The following EPHA4 variants were observed in gnomAD, a reference collection of about 807,000 sequenced individuals.
EPHA4 encodes EPH receptor A4.
EPHA4 carries 19 observed loss-of-function variants against 108.3 expected under a neutral mutation model. The ratio of observed to expected loss-of-function variants is 0.18; its 90% confidence interval spans 0.12 to 0.26. The LOEUF is 0.26. Ranked by LOEUF, EPHA4 falls within the 10% of genes least tolerant of loss-of-function variation. The probability of loss-of-function intolerance (pLI) is 1.00; values close to 1 mark genes in which losing one functional copy is unlikely to be tolerated. For synonymous variants in EPHA4, 449 were observed against 455.5 expected (o/e 0.99, Z 0.18); for missense variants, 917 against 1,254.0 (o/e 0.73, Z 4.06).
At chr2:221,496,740 T>A (rs1692307869) in intron 4 of EPHA4, among the ~76,000 whole-genome samples, 1 of 152,116 alleles carries the variant, frequency 6.6e-6, no homozygotes, top group Non-Finnish European at 1.5e-5. Context: ...AAACCCTATC[T>A]CTACTAAAAA....
At chr2:221,467,539 C>T (rs1215264332) in intron 5 of EPHA4, among the ~76,000 whole-genome samples, 2 of 152,138 alleles carry the variant, frequency 1.3e-5, no homozygotes, top group Non-Finnish European at 2.9e-5. Context: ...TACAGCAATC[C>T]TTACTCTTTG....
At chr2:221,510,252 T>A (rs1032577212) in intron 3 of EPHA4, among the ~76,000 whole-genome samples, 2 of 152,234 alleles carry the variant, frequency 1.3e-5, no homozygotes, top group African/African-American at 2.4e-5. Flanking sequence ...AAGATTGAAG[T>A]CTAACTCATA....
At chr2:221,508,817 A>C (rs1692715579) in intron 3 of EPHA4, among the ~76,000 whole-genome samples, 1 of 152,152 alleles carries the variant, frequency 6.6e-6, no homozygotes, top group Non-Finnish European at 1.5e-5. Context: ...ATGAAATTCA[A>C]AGGAAACTTA....
chr2:221,553,000 A>G (rs1694204375), intron 3 of EPHA4, among the ~76,000 whole-genome samples: 1 of 152,222 alleles, frequency 6.6e-6, no homozygotes, highest in African/African-American at 2.4e-5. Flanking sequence ...CTGATTGTTC[A>G]TTTAATTGCA....
chr2:221,435,927 A>G (rs2106098364), intron 13 of EPHA4, among the ~76,000 whole-genome samples: 1 of 129,660 alleles, frequency 7.7e-6, no homozygotes, highest in East Asian at 2.7e-4. Flanking sequence ...TACAAAACCT[A>G]AAACAACAAC....
At chr2:221,484,833 T>G (rs879568458) in intron 4 of EPHA4, among the ~76,000 whole-genome samples, 1 of 152,234 alleles carries the variant, frequency 6.6e-6, no homozygotes, top group Non-Finnish European at 1.5e-5. Flanking sequence ...TTTGGAGTTA[T>G]TTTTATTCCA....
chr2:221,560,791 G>A (rs1299563420), intron 3 of EPHA4, among the ~76,000 whole-genome samples: 1 of 152,182 alleles, frequency 6.6e-6, no homozygotes, highest in Non-Finnish European at 1.5e-5. Flanking sequence ...CATGCTCAAG[G>A]TCATCTAGCT....
chr2:221,531,328 C>G (rs1429145963), intron 3 of EPHA4, among the ~76,000 whole-genome samples: 1 of 152,066 alleles, frequency 6.6e-6, no homozygotes, highest in Non-Finnish European at 1.5e-5. Context: ...TTCTTCAAAG[C>G]ATTAGGACTT....
At chr2:221,534,615 T>C (rs1408215148) in intron 3 of EPHA4, among the ~76,000 whole-genome samples, 1 of 152,242 alleles carries the variant, frequency 6.6e-6, no homozygotes, top group Non-Finnish European at 1.5e-5. Flanking sequence ...TGACTATCCC[T>C]GGAACCCATG....
rs144215062 is a variant in EPHA4 at position 221,456,967 on chromosome 2, C to T, written c.1444-195G>A. Among the ~76,000 whole-genome samples the T allele has an allele frequency of 5.3e-5, 8 of 152,252 alleles. No homozygotes were observed. In the East Asian group the frequency reaches 1.5e-3, roughly 29 times the overall value. On this transcript the variant is annotated intron_variant, in intron 6 of 17. Transcript: ENST00000281821. ...TACTTCTTACTTGTTGAAAGAAATG[C>T]AAATTCAGGTATGATTGTTATTGAC...
chr2:221,458,104 C>T (rs1389530055), intron 5 of EPHA4, 114 bp from the exon 6 acceptor site: 5 of 1,342,466 alleles, frequency 3.7e-6, no homozygotes, highest in Non-Finnish European at 5.0e-6. Flanking sequence ...ATTGTCTTGT[C>T]TCCCCCTTGA....
chr2:221,495,204 A>C (rs1296550106), intron 4 of EPHA4, among the ~76,000 whole-genome samples: 1 of 152,218 alleles, frequency 6.6e-6, no homozygotes, highest in Non-Finnish European at 1.5e-5. Flanking sequence ...GATTTTCTTC[A>C]TACAGGAGAC....
intron 3 of EPHA4, among the ~76,000 whole-genome samples, chr2:221,527,057 G>C (rs887759113): frequency 6.6e-6 from 1 of 151,978 alleles, no homozygotes; most frequent in Admixed American, 6.6e-5. Flanking sequence ...AACCCGGGCG[G>C]AGCTTGCAGT....
At position 221,443,594 on chromosome 2, in the gene EPHA4, T is replaced by A; in HGVS notation, c.1787A>T (p.Tyr596Phe). The A allele has an allele frequency of 1.2e-6, 2 of 1,613,766 alleles. No individual in the cohort carries two copies. Among genetic ancestry groups the A allele is most frequent in the Non-Finnish European group, 1.7e-6 (2 of 1,179,734 alleles). ...ATCTTCGTACGTAAAGGGGTCCACATATGTTCTTACACCTGAGTGATAAAC... is the reference window on the plus strand; with the variant it reads ...ATCTTCGTACGTAAAGGGGTCCACAAATGTTCTTACACCTGAGTGATAAAC... ...EKHLNQGVRT[Y>F]VDPFTYEDPN... is the part of the protein sequence containing the mutation. The change falls in exon 10 of 18, where the codon TAT becomes TTT. Residue 596 changes from tyrosine (Y) to phenylalanine (F), a missense_variant. Tyr to Phe is a conservative substitution (Grantham distance 22). Coordinates refer to ENST00000281821, the MANE Select transcript of EPHA4 (RefSeq NM_004438.5).
At chr2:221,494,074 C>T (rs1452985121) in intron 4 of EPHA4, among the ~76,000 whole-genome samples, 1 of 152,164 alleles carries the variant, frequency 6.6e-6, no homozygotes, top group Non-Finnish European at 1.5e-5. Flanking sequence ...ACAGAGTGTT[C>T]CCAATCACCA....
chr2:221,554,385 CA>C (rs1264156696), intron 3 of EPHA4, among the ~76,000 whole-genome samples: 1 of 152,194 alleles, frequency 6.6e-6, no homozygotes, highest in East Asian at 1.9e-4. Flanking sequence ...AATTGAACTT[CA>C]AAAACATTTC....
intron 3 of EPHA4, among the ~76,000 whole-genome samples, chr2:221,556,977 A>G (rs1042861172): frequency 1.3e-5 from 2 of 152,220 alleles, no homozygotes; most frequent in African/African-American, 2.4e-5. Flanking sequence ...CCAAAGTTAA[A>G]GGGGATCACT....
In EPHA4 at chr2:221,504,218, TCTTA is replaced by T. The variant is rs1442915384; in HGVS notation, c.824-3050_824-3047del. Among the ~76,000 whole-genome samples, 8 of 152,214 alleles carry T rather than the reference TCTTA, an allele frequency of 5.3e-5. 1 individual carries two copies. Among genetic ancestry groups the T allele is most frequent in the Non-Finnish European group, 8.8e-5 (6 of 68,038 alleles). Reference sequence around the variant, plus strand: ...AGTTAATGAACCATCTGAATGGGTGTCTTACTTGATCTTCTAGATATGCCATGGA... The same window carrying T: ...AGTTAATGAACCATCTGAATGGGTGTCTTGATCTTCTAGATATGCCATGGA... On this transcript the variant is annotated intron_variant, in intron 3 of 17. Transcript: ENST00000281821.
intron 4 of EPHA4, among the ~76,000 whole-genome samples, chr2:221,495,956 C>G (rs1692281595): frequency 6.6e-6 from 1 of 152,092 alleles, no homozygotes. Flanking sequence ...GCATAATGAA[C>G]AAAGAAGGTG....
Sources: gnomAD v4.1 joint callset for allele counts (sites outside exome capture counted in the v4.1 genomes callset) on GRCh38, gnomAD v4.1.1 for gene constraint, MANE v1.5 for transcripts, NCBI Gene and HGNC (gene_info 2026-07-23, HGNC 2026-07-21) for gene names.